The following P3H1 variants were observed in gnomAD, a reference collection of about 807,000 sequenced individuals.
P3H1 encodes growth suppressor 1.
Under a neutral mutation model 84.0 loss-of-function variants are expected in P3H1, and 69 were observed. The ratio of observed to expected loss-of-function variants is 0.82; its 90% CI spans 0.68 to 1.00. The LOEUF (loss-of-function observed/expected upper bound fraction) is 1.00, where lower values mean the gene tolerates loss of function less well. Among genes scored for constraint, P3H1 ranks in the 50% least tolerant of loss-of-function variants. P3H1 has a pLI of 0.00. For missense variants in P3H1, 878 were observed against 962.8 expected (o/e 0.91, Z 1.17); for synonymous variants, 366 against 388.8 (o/e 0.94, Z 0.69).
chr1:42,758,007 A>T, intron 4 of P3H1, 85 bp from the exon 5 acceptor site: 1 of 1,271,510 alleles, frequency 7.9e-7, no homozygotes, highest in Non-Finnish European at 1.1e-6. Context: ...CTTAGTGTTC[A>T]GTCTCCACAA....
chr1:42,746,608 C>T lies in P3H1; in HGVS notation c.*89G>A. 5 of 1,099,302 alleles carry T rather than the reference C, an allele frequency of 4.5e-6. No homozygotes were observed. Among genetic ancestry groups the T allele is most frequent in the Non-Finnish European group, 6.8e-6 (5 of 738,674 alleles). 68.1% of individuals were successfully genotyped at this position (1,099,302 alleles called of 1,614,324 possible). On this transcript the variant is annotated 3_prime_UTR_variant, in exon 15 of 15. Transcript: ENST00000296388. Reference sequence around the variant, plus strand: ...CTGAGTGGCAGATGTAGGCTCACTGCTCTGCAGCCCCGAGGGGCTGGCCAG... The same window carrying T: ...CTGAGTGGCAGATGTAGGCTCACTGTTCTGCAGCCCCGAGGGGCTGGCCAG...
In P3H1 at chr1:42,758,980, T is replaced by C; in HGVS notation, c.812A>G (p.His271Arg). Residue 271 changes from histidine to arginine, a missense_variant, in exon 4 of 15, where the codon CAT (histidine) becomes CGT (arginine). His to Arg is a conservative substitution (Grantham distance 29, BLOSUM62 0). Coordinates refer to ENST00000296388, the MANE Select transcript of P3H1 (RefSeq NM_022356.4). ...NADLFQAITD[H>R]YIQVLNCKQN... is the part of the protein sequence containing the mutation. ...CTTACAGTTGAGGACCTGGATGTAA[T>C]GATCTGAAAGGAATCAAACAGAAGG... is the stretch of plus-strand genomic sequence containing the variant. 6.2e-7 allele frequency: 1 copy of C among 1,614,180 alleles called. No individual in the cohort carries two copies. Among genetic ancestry groups the C allele is most frequent in the Non-Finnish European group, 8.5e-7 (1 of 1,180,026 alleles).
rs1013320485 is a variant in P3H1, at chr1:42,755,219, T to C, written c.1171-2A>G. The C allele has an allele frequency of 6.2e-7, 1 of 1,613,710 alleles. No individual in the cohort carries two copies. The highest frequency in any genetic ancestry group is 8.5e-7 in the Non-Finnish European group (1 of 1,179,682). ...CACTTCTTCTGGAGTCCATGAATCC[T>C]AAGTAGGTCAGGAAGAAATGAAAAA... is the stretch of plus-strand genomic sequence containing the variant. On this transcript the variant is annotated splice_acceptor_variant, in intron 6 of 14. Coordinates refer to ENST00000296388, the MANE Select transcript of P3H1 (RefSeq NM_022356.4). LOFTEE classifies it high-confidence loss of function.
intron 4 of P3H1, 28 bp from the exon 5 acceptor site, chr1:42,757,950 G>C (rs778916524): frequency 6.2e-7 from 1 of 1,603,090 alleles, no homozygotes; most frequent in Admixed American, 1.7e-5. Context: ...GAATGGCTGA[G>C]AGGAAAGAGT....
intron 11 of P3H1, among the ~76,000 whole-genome samples, chr1:42,749,639 G>C (rs1048161166): frequency 6.6e-6 from 1 of 152,188 alleles, no homozygotes; most frequent in African/African-American, 2.4e-5. Flanking sequence ...TAGTTCCCCT[G>C]ACTACCAGGC....
chr1:42,761,903 T>G, intron 2 of P3H1: 1 of 200,906 alleles, frequency 5.0e-6, no homozygotes, highest in Non-Finnish European at 1.0e-5. Context: ...ATAAAAAAGA[T>G]GATAAAAAAT....
In P3H1 at chr1:42,762,456, GC is replaced by G. The variant is rs1387208147; in HGVS notation, c.484del (p.Ala162LeufsTer22). The G allele has an allele frequency of 2.5e-6, 4 of 1,614,122 alleles. No homozygotes were observed. The East Asian group carries it at 8.9e-5, about 36-fold the overall frequency. On this transcript the variant is annotated frameshift_variant, in exon 2 of 15. Coordinates refer to ENST00000296388, the MANE Select transcript of P3H1 (RefSeq NM_022356.4). LOFTEE classifies it high-confidence loss of function. ...GAAGAAGGTGTGTGCTGCAGCAACA[GC>G]TTTCTCCAACTTGTTGATCTAAGAA... Reference protein sequence around the residue: ...AYFKINKLEKAVAAAHTFFVG... With the variant: ...AYFKINKLEKXVAAAHTFFVG...
At position 42,759,374 on chromosome 1, in the gene P3H1, C is replaced by G. The variant is rs1652580086; in HGVS notation, c.635G>C (p.Gly212Ala). 6.2e-7 allele frequency: 1 copy of G among 1,614,010 alleles called. No individual in the cohort carries two copies. Among genetic ancestry groups the G allele is most frequent in the Admixed American group, 1.7e-5 (1 of 60,000 alleles). The change falls in exon 3 of 15, where the codon GGA becomes GCA. Residue 212 changes from glycine (G) to alanine (A), a missense_variant. Physicochemically the swap from Gly to Ala is moderately conservative, Grantham distance 60 (BLOSUM62 0). Transcript: ENST00000296388. ...CTGTTCCTCTGAGTAGAGTCGCACT[C>G]CCAGTCGAAATTCTTGCTACTGGGA... ...TQPHMQEFRL[G>A]VRLYSEEQPQ...
chr1:42,751,581 A>AAT lies in P3H1; in HGVS notation c.1569+692_1569+693insAT, dbSNP rs1652089740. The AAT allele has an allele frequency of 2.1e-5, 3 of 142,658 alleles. No individual in the cohort carries two copies. In the South Asian group the frequency reaches 6.8e-4, roughly 32 times the overall value. 8.8% of individuals were successfully genotyped at this position (142,658 alleles called of 1,614,324 possible). On this transcript the variant is annotated intron_variant, in intron 10 of 14. Coordinates refer to ENST00000296388, the MANE Select transcript of P3H1 (RefSeq NM_022356.4). Reference sequence around the variant, plus strand: ...AATGATCAATAAAAAAAAAATAAATAAATAAATAAATAAATAAATAAAATA... The same window carrying AAT: ...AATGATCAATAAAAAAAAAATAAATAATAATAAATAAATAAATAAATAAAATA...
rs190876222 is a variant in P3H1, at chr1:42,754,393, T to C, written c.1345+476A>G. ...CCAAAGGAGGCCTGAAGGCGTTGAG[T>C]CTCAGTAAAGGGACGAATGGTGAAA... is the stretch of plus-strand genomic sequence containing the variant. On this transcript the variant is annotated intron_variant, in intron 8 of 14. Transcript: ENST00000296388. The surrounding 1 kb of genome is among the most constrained non-coding windows in gnomAD (Gnocchi z 4.0). Among the ~76,000 whole-genome samples, 1 of 151,960 alleles carries C rather than the reference T, an allele frequency of 6.6e-6. No individual in the cohort carries two copies. The highest frequency in any genetic ancestry group is 1.5e-5 in the Non-Finnish European group (1 of 67,948).
chr1:42,755,583 C>T lies in P3H1; in HGVS notation c.1135G>A (p.Ala379Thr), dbSNP rs762013462. ...AAGGGAATTCCAAAAACATCATAAG[C>T]GAAGAAAAGCAGTTCTTTTTCCAGT... Reference protein sequence around the residue: ...SLLEKELLFFAYDVFGIPFVD... With the variant: ...SLLEKELLFFTYDVFGIPFVD... The change falls in exon 6 of 15, where the codon GCT becomes ACT. Residue 379 changes from alanine to threonine, a missense_variant. Coordinates refer to ENST00000296388, the MANE Select transcript of P3H1 (RefSeq NM_022356.4). 32 of 1,613,972 alleles carry T rather than the reference C, an allele frequency of 2.0e-5. No homozygotes were observed. Among genetic ancestry groups the T allele is most frequent in the South Asian group, 2.2e-5 (2 of 91,090 alleles).
In P3H1 at chr1:42,766,618, G is replaced by C. The variant is rs1214218371; in HGVS notation, c.354C>G (p.Ala118=). The change falls in exon 1 of 15, where the codon GCC becomes GCG. Residue 118 remains alanine (A), a synonymous_variant. Coordinates refer to ENST00000296388, the MANE Select transcript of P3H1 (RefSeq NM_022356.4). ...GCGGCCCGAGGCAGCGGCGCAGGCAGGCAGCGCGACGCAGAAGGCCCCCGA... is the reference window on the plus strand; with the variant it reads ...GCGGCCCGAGGCAGCGGCGCAGGCACGCAGCGCGACGCAGAAGGCCCCCGA... ...SFFGGLLRRA[A]CLRRCLGPPA... is the part of the protein sequence containing the mutation. 2 of 1,604,388 alleles carry C rather than the reference G, an allele frequency of 1.2e-6. No individual in the cohort carries two copies. Among genetic ancestry groups the C allele is most frequent in the South Asian group, 2.2e-5 (2 of 89,712 alleles).
intron 5 of P3H1, among the ~76,000 whole-genome samples, chr1:42,756,039 T>A (rs1652385491): frequency 2.0e-5 from 3 of 152,126 alleles, no homozygotes; most frequent in Admixed American, 6.5e-5. Context: ...ACTGACATGT[T>A]ATTCATTTGA....
rs1440756405 is a variant in P3H1 at position 42,754,752 on chromosome 1, GTGGCTGGCTCA to G, written c.1345+106_1345+116del. ...TGTCCACTGAACTTGCACCCTAAGG[GTGGCTGGCTCA>G]TGGTGAGCTCTGCAATGCTGGGGTG... On this transcript the variant is annotated intron_variant, in intron 8 of 14. Transcript: ENST00000296388. The surrounding 1 kb of genome is among the most constrained non-coding windows in gnomAD (Gnocchi z 4.0). The G allele has an allele frequency of 2.9e-6, 4 of 1,375,782 alleles. No individual in the cohort carries two copies. The Admixed American group carries it at 7.0e-5, about 24-fold the overall frequency. The allele number at this position is 1,375,782 out of a possible 1,614,324, so 85.2% of individuals were successfully genotyped here. A position where few individuals can be genotyped will look rare whatever the true frequency, so the allele number is the denominator to read the frequency against.
chr1:42,759,864 G>C (rs1652609740), intron 2 of P3H1: 1 of 184,348 alleles, frequency 5.4e-6, no homozygotes, highest in Admixed American at 5.4e-5. Context: ...TTACAGGTGT[G>C]AGCCACTGTG....
chr1:42,753,049 T>G (rs1483946014), intron 8 of P3H1, among the ~76,000 whole-genome samples: 3 of 152,164 alleles, frequency 2.0e-5, no homozygotes, highest in Non-Finnish European at 4.4e-5. Context: ...TTTAATTAAT[T>G]AAAATGTTCT....
chr1:42,758,721 G>A, intron 4 of P3H1, 131 bp downstream of exon 4: 2 of 1,100,734 alleles, frequency 1.8e-6, no homozygotes, highest in Admixed American at 1.8e-5. Context: ...GGGATCACTT[G>A]GCATGGTGCC....
chr1:42,749,920 G>A (rs982205283), intron 11 of P3H1: 19 of 503,778 alleles, frequency 3.8e-5, no homozygotes, highest in Admixed American at 2.6e-4. Context: ...CCATTAAAGT[G>A]CGTTGTGTGA....
intron 1 of P3H1, 62 bp downstream of exon 1, chr1:42,766,445 T>TC: frequency 7.1e-7 from 1 of 1,417,930 alleles, no homozygotes; most frequent in South Asian, 1.2e-5. Context: ...GCTCCTCAGG[T>TC]CCCCTGCAAC....
Sources: gnomAD v4.1 joint callset for allele counts (sites outside exome capture counted in the v4.1 genomes callset) on GRCh38, gnomAD v4.1.1 for gene constraint, Gnocchi (gnomAD v3.1) non-coding constraint, MANE v1.5 for transcripts, NCBI Gene and HGNC (gene_info 2026-07-23, HGNC 2026-07-21) for gene names.